Variants in PPARGC1A observed in about 807,000 individuals in gnomAD.
PPARGC1A encodes the protein peroxisome proliferator-activated receptor gamma coactivator 1-alpha.
In PPARGC1A, 25 loss-of-function variants were observed where a neutral mutation model predicts 88.7. That is an observed-to-expected ratio of 0.28 (90% CI 0.21 to 0.39). PPARGC1A has a LOEUF of 0.39. Among genes scored for constraint, PPARGC1A ranks in the 10% least tolerant of loss-of-function variants. The pLI is 1.00. For missense variants in PPARGC1A, 880 were observed against 968.7 expected (o/e 0.91, Z 1.22); for synonymous variants, 363 against 355.6 (o/e 1.02, Z -0.24).
At chr4:24,053,769 TA>T in the PPARGC1A span, among the ~76,000 whole-genome samples, 1 of 152,232 alleles carries the variant, frequency 6.6e-6, no homozygotes, top group Non-Finnish European at 1.5e-5. Flanking sequence ...TTAAATGAGA[TA>T]ATCTGCTTAA....
the PPARGC1A span, among the ~76,000 whole-genome samples, chr4:24,223,684 C>T: frequency 1.3e-5 from 2 of 152,240 alleles, no homozygotes; most frequent in East Asian, 3.9e-4. Context: ...AAATCAGTGG[C>T]ATCTTATGAT....
rs11737265 is a variant in PPARGC1A, at chr4:23,840,731, G to C, written c.235-8980C>G. ...GGCTTAACTAAAATGAGTTAGAATG[G>C]TAACTAAAGAGTCTAATCCATCCTG... On this transcript the variant is annotated intron_variant, in intron 2 of 12. Transcript: ENST00000264867. Among the ~76,000 whole-genome samples the C allele has an allele frequency of 8.9e-3, 1,358 of 152,182 alleles. 36 individuals are homozygous for C. The highest frequency in any genetic ancestry group is 7.4e-3 in the Non-Finnish European group (506 of 67,994).
At chr4:23,917,060 T>A in the PPARGC1A span, among the ~76,000 whole-genome samples, 2 of 152,166 alleles carry the variant, frequency 1.3e-5, no homozygotes, top group Non-Finnish European at 2.9e-5. Flanking sequence ...CTCACCCTCC[T>A]CTGCCTGTAG....
At chr4:24,226,419 T>A in the PPARGC1A span, among the ~76,000 whole-genome samples, 7 of 152,068 alleles carry the variant, frequency 4.6e-5, no homozygotes, top group African/African-American at 1.7e-4. Flanking sequence ...TCACCATTAA[T>A]AAGGAGGATT....
At chr4:24,238,745 A>ATGTGTGTGTGTGTGTGTG in the PPARGC1A span, among the ~76,000 whole-genome samples, 2 of 121,808 alleles carry the variant, frequency 1.6e-5, no homozygotes, top group African/African-American at 5.9e-5. Flanking sequence ...AAGGTTGTAT[A>ATGTGTGTGTGTGTGTGTG]TGTGTGTGTG....
At chr4:24,008,009 G>A in the PPARGC1A span, among the ~76,000 whole-genome samples, 1 of 152,162 alleles carries the variant, frequency 6.6e-6, no homozygotes, top group South Asian at 2.1e-4. Flanking sequence ...GCAATACCCA[G>A]AGAATGAGGT....
rs146898947 is a variant in PPARGC1A at position 23,884,917 on chromosome 4, A to G, written c.69T>C (p.Val23=). ...CTGGGCAAAGAGGCTGGTCTTCACCAACCAGAGCAGCACACTGCAGGAGGC... is the reference window on the plus strand; with the variant it reads ...CTGGGCAAAGAGGCTGGTCTTCACCGACCAGAGCAGCACACTGCAGGAGGC... The part of the protein sequence containing the change: ...VWSDIECAAL[V]GEDQPLCPDL... Residue 23 remains valine, a synonymous_variant, in exon 2 of 13, where the codon GTT becomes GTC. Transcript: ENST00000264867. 2.5e-6 allele frequency: 4 copies of G among 1,612,648 alleles called. No individual in the cohort carries two copies. Among genetic ancestry groups the G allele is most frequent in the African/African-American group, 1.3e-5 (1 of 74,862 alleles).
chr4:24,341,781 A>C, the PPARGC1A span, among the ~76,000 whole-genome samples: 677 of 152,348 alleles, frequency 4.4e-3, 4 homozygotes, highest in Middle Eastern at 0.024. Context: ...CACACATTCC[A>C]TGAAAGCAGG....
intron 2 of PPARGC1A, among the ~76,000 whole-genome samples, chr4:23,832,917 A>G (rs890343436): frequency 5.7e-5 from 8 of 140,980 alleles, no homozygotes; most frequent in Non-Finnish European, 1.1e-4. Context: ...GCCCCAGTGC[A>G]CTATTATTTC....
the PPARGC1A span, among the ~76,000 whole-genome samples, chr4:24,166,310 T>C: frequency 1.3e-5 from 2 of 152,226 alleles, no homozygotes; most frequent in African/African-American, 4.8e-5. Flanking sequence ...ATCTCCATAA[T>C]GTAAGTGCAA....
At chr4:23,902,501 A>G (rs1441534202), upstream of PPARGC1A, among the ~76,000 whole-genome samples, 4 of 152,168 alleles carry the variant, frequency 2.6e-5, no homozygotes, top group African/African-American at 7.2e-5. Flanking sequence ...CCCTTCTAGA[A>G]CATCCCTGGG....
chr4:24,330,264 C>A, the PPARGC1A span, among the ~76,000 whole-genome samples: 5 of 152,302 alleles, frequency 3.3e-5, 1 homozygote, highest in Middle Eastern at 0.01. Flanking sequence ...CACAGGAAAT[C>A]ATGTCATGCC....
At chr4:24,296,149 C>T in the PPARGC1A span, among the ~76,000 whole-genome samples, 11 of 150,104 alleles carry the variant, frequency 7.3e-5, no homozygotes, top group African/African-American at 1.7e-4. Context: ...TACACACACA[C>T]GATAGCTTCC....
chr4:24,008,377 C>G, the PPARGC1A span, among the ~76,000 whole-genome samples: 1 of 152,156 alleles, frequency 6.6e-6, no homozygotes, highest in South Asian at 2.1e-4. Context: ...TATTGACTTA[C>G]AAACTGATCT....
At chr4:24,176,139 A>T in the PPARGC1A span, among the ~76,000 whole-genome samples, 90 of 152,260 alleles carry the variant, frequency 5.9e-4, no homozygotes, top group African/African-American at 2.0e-3. Flanking sequence ...AGGACCTACT[A>T]CAGCTCCTGG....
intron 2 of PPARGC1A, among the ~76,000 whole-genome samples, chr4:23,849,290 T>A (rs1017460977): frequency 6.6e-6 from 1 of 152,228 alleles, no homozygotes; most frequent in African/African-American, 2.4e-5. Context: ...TTTCAAAATG[T>A]TATGCTGGCA....
At chr4:24,056,334 T>C in the PPARGC1A span, among the ~76,000 whole-genome samples, 3 of 152,212 alleles carry the variant, frequency 2.0e-5, no homozygotes, top group Non-Finnish European at 4.4e-5. Flanking sequence ...GGGTCAGTTC[T>C]TGCTTGCCCA....
intron 2 of PPARGC1A, among the ~76,000 whole-genome samples, chr4:23,843,101 A>G (rs907200351): frequency 6.6e-6 from 1 of 152,036 alleles, no homozygotes; most frequent in African/African-American, 2.4e-5. Context: ...TATATTGCCA[A>G]TCATTCTCTT....
At chr4:24,445,836 G>A in the PPARGC1A span, among the ~76,000 whole-genome samples, 125 of 152,302 alleles carry the variant, frequency 8.2e-4, no homozygotes, top group Middle Eastern at 3.4e-3. Flanking sequence ...GGGAGGCTGA[G>A]GCGGGCGGAT....
Sources: allele counts gnomAD v4.1 joint callset (sites outside exome capture counted in the v4.1 genomes callset), GRCh38; gene constraint gnomAD v4.1.1; transcripts MANE v1.5; gene names NCBI Gene and HGNC (gene_info 2026-07-23, HGNC 2026-07-21).